The following ASTN2 variants were observed in gnomAD, a reference collection of about 807,000 sequenced individuals.
ASTN2 encodes astrotactin-2.
A neutral mutation model predicts 139.8 loss-of-function variants in ASTN2; 54 were observed. The observed-to-expected ratio is 0.39, with a 90% CI of 0.31 to 0.48. The LOEUF (loss-of-function observed/expected upper bound fraction) is 0.48. Among genes scored for constraint, ASTN2 ranks in the 20% least tolerant of loss-of-function variants. ASTN2 has a pLI of 0.95. For synonymous variants in ASTN2, 756 were observed against 719.5 expected, an observed-to-expected ratio of 1.05 and a Z score of -0.81; for missense variants, 1,565 against 1,725.1, an observed-to-expected ratio of 0.91 and a Z score of 1.64.
At chr9:116,460,379 C>A (rs552224731) in intron 20 of ASTN2, among the ~76,000 whole-genome samples, 25 of 152,020 alleles carry the variant, frequency 1.6e-4, no homozygotes, top group Non-Finnish European at 2.9e-4. Context: ...TGAATTGTAG[C>A]CTTAAAAAGG....
At chr9:117,354,640 C>T (rs1033634767) in intron 1 of ASTN2, among the ~76,000 whole-genome samples, 2 of 152,148 alleles carry the variant, frequency 1.3e-5, no homozygotes, top group African/African-American at 4.8e-5. Context: ...TACTCCTTCC[C>T]ACCAGACCTT....
At chr9:117,075,525 G>A (rs537855781) in intron 5 of ASTN2, among the ~76,000 whole-genome samples, 1 of 151,932 alleles carries the variant, frequency 6.6e-6, no homozygotes, top group South Asian at 2.1e-4. Context: ...GAGGGGGCAG[G>A]CTGATTGTCT....
intron 4 of ASTN2, among the ~76,000 whole-genome samples, chr9:117,124,951 T>G (rs1422921558): frequency 6.6e-6 from 1 of 152,180 alleles, no homozygotes; most frequent in Non-Finnish European, 1.5e-5. Flanking sequence ...TTTCACAGGG[T>G]TCTTACAAAG....
At chr9:116,447,971 G>C (rs778503831) in intron 20 of ASTN2, among the ~76,000 whole-genome samples, 7 of 152,132 alleles carry the variant, frequency 4.6e-5, no homozygotes, top group Admixed American at 6.5e-5. Flanking sequence ...ATGAAACCAA[G>C]AAGTTAATTG....
intron 13 of ASTN2, among the ~76,000 whole-genome samples, chr9:116,802,498 A>T (rs1830890758): frequency 6.6e-6 from 1 of 152,162 alleles, no homozygotes; most frequent in South Asian, 2.1e-4. Context: ...CTTTGTGACC[A>T]AGTCCTTTCC....
chr9:116,729,192 C>T (rs1564236133), intron 14 of ASTN2, 96 bp from the exon 15 acceptor site: 6 of 924,704 alleles, frequency 6.5e-6, no homozygotes, highest in Admixed American at 5.0e-5. Context: ...GAAACAGACA[C>T]CTCTTTGAAG....
intron 19 of ASTN2, among the ~76,000 whole-genome samples, chr9:116,580,002 A>G (rs1853884190): frequency 6.6e-6 from 1 of 152,128 alleles, no homozygotes; most frequent in Non-Finnish European, 1.5e-5. Context: ...TTGTATTTTT[A>G]GTAGAGACGG....
At chr9:117,063,248 C>A in intron 5 of ASTN2, among the ~76,000 whole-genome samples, 1 of 152,134 alleles carries the variant, frequency 6.6e-6, no homozygotes, top group East Asian at 1.9e-4. Context: ...GGGTAAAGAA[C>A]CATTTGGGGC....
chr9:117,162,710 A>C (rs372038321), intron 3 of ASTN2, among the ~76,000 whole-genome samples: 1 of 152,230 alleles, frequency 6.6e-6, no homozygotes. Flanking sequence ...GTGAGGATTA[A>C]ATGAGTAAAT....
chr9:116,867,410 C>T (rs547245791), intron 10 of ASTN2, among the ~76,000 whole-genome samples: 2 of 151,622 alleles, frequency 1.3e-5, no homozygotes, highest in Non-Finnish European at 2.9e-5. Context: ...ATTAGCTGGG[C>T]GTGGTGGCGG....
At position 117,158,122 on chromosome 9, in the gene ASTN2, T is replaced by C. The variant is rs557716927; in HGVS notation, c.1016-16644A>G. Among the ~76,000 whole-genome samples, 24 of 152,122 alleles carry C rather than the reference T, an allele frequency of 1.6e-4. No homozygotes were observed. In the South Asian group the frequency reaches 1.7e-3, roughly 11 times the overall value. On this transcript the variant is annotated intron_variant, in intron 3 of 22. Transcript: ENST00000313400. ...AAAATAGAAAAAATTAAGCCTATAA[T>C]TAAAGTTGTGCTCAAAGTCTCAATA...
intron 4 of ASTN2, among the ~76,000 whole-genome samples, chr9:117,132,786 T>G (rs115288445): frequency 6.6e-6 from 1 of 152,140 alleles, no homozygotes; most frequent in African/African-American, 2.4e-5. Flanking sequence ...AGCCAGAGAC[T>G]GAGGGAAAAG....
chr9:116,987,127 G>T (rs933157227), intron 7 of ASTN2, among the ~76,000 whole-genome samples: 1 of 152,228 alleles, frequency 6.6e-6, no homozygotes, highest in Non-Finnish European at 1.5e-5. Context: ...GAACCCTACT[G>T]ATGTGGTTTG....
chr9:116,988,852 C>T (rs1438482002), intron 7 of ASTN2, among the ~76,000 whole-genome samples: 3 of 152,096 alleles, frequency 2.0e-5, no homozygotes, highest in Non-Finnish European at 4.4e-5. Context: ...GCTCTCTTTT[C>T]CTGCAAATTG....
At chr9:116,646,675 T>G (rs1857605426) in intron 17 of ASTN2, among the ~76,000 whole-genome samples, 1 of 152,080 alleles carries the variant, frequency 6.6e-6, no homozygotes, top group African/African-American at 2.4e-5. Context: ...GGCCTTTCAT[T>G]TGTGTTTGGG....
intron 13 of ASTN2, among the ~76,000 whole-genome samples, chr9:116,764,863 T>C (rs754355364): frequency 3.3e-5 from 5 of 152,142 alleles, no homozygotes; most frequent in Non-Finnish European, 5.9e-5. Context: ...CAGTATAAAT[T>C]TTAAAAAATA....
chr9:117,396,501 C>CTTTTTAT (rs772818993), intron 1 of ASTN2, among the ~76,000 whole-genome samples: 1 of 152,052 alleles, frequency 6.6e-6, no homozygotes, highest in African/African-American at 2.4e-5. Flanking sequence ...AAATAGTTTA[C>CTTTTTAT]TTTTTATTTT....
rs1364851536 is a variant in ASTN2, at chr9:117,023,142, A to G, written c.1424-14883T>C. ...AACCAGCTTAGCCTAAATACACAAA[A>G]TTGGAGCAGACAGTACAGGTCCCTG... is the stretch of plus-strand genomic sequence containing the variant. On this transcript the variant is annotated intron_variant, in intron 6 of 22. Transcript: ENST00000313400. Among the ~76,000 whole-genome samples the G allele has an allele frequency of 2.6e-5, 4 of 152,070 alleles. No individual in the cohort carries two copies. The East Asian group carries it at 7.7e-4, about 29-fold the overall frequency.
chr9:116,810,725 A>G (rs1432183659), intron 12 of ASTN2, among the ~76,000 whole-genome samples: 1 of 152,154 alleles, frequency 6.6e-6, no homozygotes, highest in Non-Finnish European at 1.5e-5. Flanking sequence ...TTAAAAAACT[A>G]TCCTTTTTTG....
Sources: allele counts gnomAD v4.1 joint callset (sites outside exome capture counted in the v4.1 genomes callset), GRCh38; gene constraint gnomAD v4.1.1; transcripts MANE v1.5; gene names NCBI Gene and HGNC (gene_info 2026-07-23, HGNC 2026-07-21).